The following FIRRM variants were observed in gnomAD, a reference collection of about 807,000 sequenced individuals.
The protein encoded by FIRRM is FIGNL1 interacting regulator of recombination and mitosis.
the FIRRM span, among the ~76,000 whole-genome samples, chr1:169,807,362 C>G: frequency 6.6e-6 from 1 of 152,166 alleles, no homozygotes; most frequent in Non-Finnish European, 1.5e-5. Flanking sequence ...GATATCCTTA[C>G]CCTAAGAATA....
chr1:169,852,976 A>G, the FIRRM span: 28 of 1,613,770 alleles, frequency 1.7e-5, no homozygotes, highest in Admixed American at 4.7e-4. Flanking sequence ...TTACATACAT[A>G]CTCTAGGGTG....
chr1:169,824,685 T>A, the FIRRM span, among the ~76,000 whole-genome samples: 1 of 152,306 alleles, frequency 6.6e-6, no homozygotes, highest in East Asian at 1.9e-4. Flanking sequence ...CAGTAGCACT[T>A]GATCCTCTTT....
At chr1:169,841,497 T>A in the FIRRM span, among the ~76,000 whole-genome samples, 2 of 152,240 alleles carry the variant, frequency 1.3e-5, no homozygotes, top group African/African-American at 4.8e-5. Context: ...TGTTACTGTT[T>A]ATTACATTCT....
At chr1:169,845,761 TACC>T in the FIRRM span, among the ~76,000 whole-genome samples, 23 of 152,228 alleles carry the variant, frequency 1.5e-4, no homozygotes, top group African/African-American at 5.3e-4. Flanking sequence ...TAGCTATTTC[TACC>T]ACATCTGCAG....
At chr1:169,801,818 G>A in the FIRRM span, among the ~76,000 whole-genome samples, 1 of 152,032 alleles carries the variant, frequency 6.6e-6, no homozygotes, top group African/African-American at 2.4e-5. Context: ...TATTGAAATG[G>A]GTTTCTAACT....
the FIRRM span, chr1:169,792,597 T>A: frequency 1.9e-5 from 30 of 1,553,926 alleles, no homozygotes; most frequent in Admixed American, 4.2e-5. Context: ...AACTTAAAAG[T>A]TATTTCAATT....
the FIRRM span, chr1:169,843,830 T>C: frequency 8.8e-5 from 87 of 993,164 alleles, no homozygotes; most frequent in Middle Eastern, 2.3e-3. Flanking sequence ...ACTGCTATCA[T>C]GTAAAATAAC....
At chr1:169,813,504 C>T in the FIRRM span, among the ~76,000 whole-genome samples, 1 of 152,166 alleles carries the variant, frequency 6.6e-6, no homozygotes, top group Non-Finnish European at 1.5e-5. Context: ...GAAAGAATCA[C>T]AGGAAAGGTT....
At chr1:169,793,828 A>G in the FIRRM span, 3 of 688,686 alleles carry the variant, frequency 4.4e-6, no homozygotes, top group South Asian at 3.1e-5. Context: ...CAGCTTATAC[A>G]TGGTAACAAA....
At chr1:169,853,221 C>CAGAT in the FIRRM span, 102 of 534,120 alleles carry the variant, frequency 1.9e-4, no homozygotes, top group Middle Eastern at 1.5e-3. Flanking sequence ...ACCATTTACT[C>CAGAT]AGATAGTCTA....
the FIRRM span, among the ~76,000 whole-genome samples, chr1:169,785,332 T>G: frequency 6.6e-6 from 1 of 152,256 alleles, no homozygotes; most frequent in African/African-American, 2.4e-5. Flanking sequence ...GTGCACTCTT[T>G]CAGCTTTGCT....
At chr1:169,795,147 A>C in the FIRRM span, 1 of 1,536,064 alleles carries the variant, frequency 6.5e-7, no homozygotes, top group South Asian at 1.2e-5. Context: ...TTCCCCTGGA[A>C]GAATTAAGTA....
the FIRRM span, among the ~76,000 whole-genome samples, chr1:169,846,868 A>G: frequency 1.3e-5 from 2 of 152,204 alleles, no homozygotes; most frequent in Admixed American, 1.3e-4. Context: ...GCTAACTTGC[A>G]AAAGAGGCCT....
At chr1:169,850,274 C>A in the FIRRM span, 8 of 1,607,112 alleles carry the variant, frequency 5.0e-6, no homozygotes, top group Non-Finnish European at 6.8e-6. Flanking sequence ...GGGAACAAAT[C>A]ATGAAGAGAT....
the FIRRM span, among the ~76,000 whole-genome samples, chr1:169,785,264 G>A: frequency 1.3e-5 from 2 of 152,210 alleles, no homozygotes; most frequent in African/African-American, 2.4e-5. Context: ...TGGCCCCGTG[G>A]TACTGTCTAG....
At chr1:169,791,057 T>C in the FIRRM span, among the ~76,000 whole-genome samples, 4 of 152,188 alleles carry the variant, frequency 2.6e-5, no homozygotes, top group Admixed American at 1.3e-4. Flanking sequence ...CATGAGAATC[T>C]AACACCGCTG....
chr1:169,811,717 C>T, the FIRRM span, among the ~76,000 whole-genome samples: 19 of 144,230 alleles, frequency 1.3e-4, no homozygotes, highest in African/African-American at 5.2e-4. Flanking sequence ...AGATAATAGA[C>T]AGATTATCTA....
At chr1:169,797,350 A>G in the FIRRM span, among the ~76,000 whole-genome samples, 1 of 152,234 alleles carries the variant, frequency 6.6e-6, no homozygotes, top group Non-Finnish European at 1.5e-5. Flanking sequence ...CCTTACCTGC[A>G]TGTCTGCATA....
the FIRRM span, among the ~76,000 whole-genome samples, chr1:169,784,619 C>T: frequency 6.6e-6 from 1 of 152,166 alleles, no homozygotes; most frequent in South Asian, 2.1e-4. Flanking sequence ...CTCTCAGTTA[C>T]CTGTTGTTCT....
Sources: gnomAD v4.1 joint callset for allele counts (sites outside exome capture counted in the v4.1 genomes callset) on GRCh38, gnomAD v4.1.1 for gene constraint, MANE v1.5 for transcripts, NCBI Gene and HGNC (gene_info 2026-07-23, HGNC 2026-07-21) for gene names.